The following MACROD2 variants were observed in gnomAD, a reference collection of about 807,000 sequenced individuals.
MACROD2 encodes ADP-ribose glycohydrolase MACROD2.
In MACROD2, 36 loss-of-function variants were observed where a neutral mutation model predicts 70.4. The ratio of observed to expected loss-of-function variants is 0.51; its 90% CI spans 0.39 to 0.68. The LOEUF (loss-of-function observed/expected upper bound fraction) is 0.68. MACROD2 is among the 30% of genes least tolerant of loss of function. MACROD2 has a pLI of 0.00. For synonymous variants in MACROD2, 172 were observed against 178.8 expected, an observed-to-expected ratio of 0.96 and a Z score of 0.30; for missense variants, 496 against 538.4, an observed-to-expected ratio of 0.92 and a Z score of 0.78.
chr20:14,315,769 C>T (rs866596673), intron 3 of MACROD2, among the ~76,000 whole-genome samples: 2 of 152,118 alleles, frequency 1.3e-5, no homozygotes. Flanking sequence ...TGTTTTAAAA[C>T]AATTAGGGGA....
chr20:14,056,140 A>G (rs1048074322), intron 2 of MACROD2, among the ~76,000 whole-genome samples: 1 of 152,106 alleles, frequency 6.6e-6, no homozygotes, highest in African/African-American at 2.4e-5. Flanking sequence ...TTTGGATAAT[A>G]TGATAATTTG....
intron 10 of MACROD2, among the ~76,000 whole-genome samples, chr20:15,906,935 C>T (rs959958413): frequency 2.6e-5 from 4 of 152,182 alleles, no homozygotes; most frequent in African/African-American, 9.7e-5. Flanking sequence ...GTCTCAGAGG[C>T]TCCTCAACTA....
chr20:14,786,882 A>G (rs1035167462), intron 5 of MACROD2, among the ~76,000 whole-genome samples: 2 of 152,102 alleles, frequency 1.3e-5, no homozygotes, highest in Non-Finnish European at 2.9e-5. Flanking sequence ...GTATAAAGAA[A>G]GAGGCAATGT....
chr20:15,583,576 G>A (rs2048556749), intron 8 of MACROD2, among the ~76,000 whole-genome samples: 1 of 152,120 alleles, frequency 6.6e-6, no homozygotes, highest in South Asian at 2.1e-4. Flanking sequence ...CCACATTCCT[G>A]AGAACCCTAG....
chr20:14,637,174 C>T (rs1489023392), intron 4 of MACROD2, among the ~76,000 whole-genome samples: 2 of 152,160 alleles, frequency 1.3e-5, no homozygotes, highest in African/African-American at 4.8e-5. Flanking sequence ...TTCCATCAAA[C>T]ACTTTTGCAG....
intron 10 of MACROD2, among the ~76,000 whole-genome samples, chr20:15,904,087 G>A (rs1330762442): frequency 6.6e-6 from 1 of 152,190 alleles, no homozygotes; most frequent in Non-Finnish European, 1.5e-5. Flanking sequence ...TATTCATACA[G>A]TCTTCTTGTC....
chr20:15,885,951 T>G, intron 10 of MACROD2, 140 bp downstream of exon 10: 1 of 1,007,260 alleles, frequency 9.9e-7, no homozygotes, highest in Non-Finnish European at 1.3e-6. Flanking sequence ...AATTAAAAAG[T>G]AGTTGTTCTA....
At chr20:14,962,347 G>A (rs2074590725) in intron 5 of MACROD2, among the ~76,000 whole-genome samples, 1 of 151,862 alleles carries the variant, frequency 6.6e-6, no homozygotes, top group South Asian at 2.1e-4. Context: ...CACCCAGGCT[G>A]GAGTACATTG....
intron 5 of MACROD2, among the ~76,000 whole-genome samples, chr20:15,000,515 G>T (rs915276613): frequency 1.4e-5 from 2 of 143,820 alleles, no homozygotes; most frequent in African/African-American, 2.8e-5. Flanking sequence ...CCCAGCTACT[G>T]GGGAGGCTGA....
At chr20:15,145,439 G>A (rs962215134) in intron 5 of MACROD2, among the ~76,000 whole-genome samples, 1 of 152,036 alleles carries the variant, frequency 6.6e-6, no homozygotes, top group Non-Finnish European at 1.5e-5. Flanking sequence ...ATTTGTATCA[G>A]TTATTCAAGT....
chr20:15,728,123 T>C (rs1019068490), intron 8 of MACROD2, among the ~76,000 whole-genome samples: 13 of 152,220 alleles, frequency 8.5e-5, no homozygotes, highest in Admixed American at 5.2e-4. Flanking sequence ...AATGTTGAAT[T>C]TATCAAAAGC....
At chr20:14,265,930 CCA>C (rs940551086) in intron 3 of MACROD2, among the ~76,000 whole-genome samples, 36 of 152,220 alleles carry the variant, frequency 2.4e-4, no homozygotes, top group African/African-American at 7.9e-4. Flanking sequence ...GCGCATGCCA[CCA>C]CGCCTGGCTA....
At chr20:15,777,492 T>A (rs2051742515) in intron 8 of MACROD2, among the ~76,000 whole-genome samples, 1 of 149,362 alleles carries the variant, frequency 6.7e-6, no homozygotes, top group Non-Finnish European at 1.5e-5. Context: ...TTGATTCTTT[T>A]TTTTCCTTCC....
chr20:15,717,347 A>G (rs988743276), intron 8 of MACROD2, among the ~76,000 whole-genome samples: 11 of 152,246 alleles, frequency 7.2e-5, no homozygotes, highest in Non-Finnish European at 2.9e-5. Flanking sequence ...TGAAGGAAAT[A>G]AAACCATAAA....
chr20:15,302,118 C>T (rs1443644225), intron 6 of MACROD2, among the ~76,000 whole-genome samples: 1 of 152,168 alleles, frequency 6.6e-6, no homozygotes, highest in East Asian at 1.9e-4. Flanking sequence ...CATCTGGCCC[C>T]TCCCAAAGGG....
intron 10 of MACROD2, 75 bp from the exon 11 acceptor site, chr20:15,933,201 C>A: frequency 7.2e-7 from 1 of 1,392,604 alleles, no homozygotes; most frequent in Non-Finnish European, 1.0e-6. Context: ...AATTTCAGTG[C>A]TGCATATTAG....
chr20:15,710,809 G>A (rs1053010124), intron 8 of MACROD2, among the ~76,000 whole-genome samples: 1 of 152,080 alleles, frequency 6.6e-6, no homozygotes, highest in Non-Finnish European at 1.5e-5. Context: ...TTGAGTTACC[G>A]GTTTCTAAGT....
At chr20:15,115,805 A>G (rs73096084) in intron 5 of MACROD2, among the ~76,000 whole-genome samples, 32,799 of 152,048 alleles carry the variant, frequency 0.22, 4,862 homozygotes, top group Non-Finnish European at 0.33. Flanking sequence ...AATTTTTTAA[A>G]CTAGGAAAAT....
At chr20:14,410,378 C>T (rs1012712347) in intron 3 of MACROD2, among the ~76,000 whole-genome samples, 1 of 152,026 alleles carries the variant, frequency 6.6e-6, no homozygotes, top group Admixed American at 6.6e-5. Context: ...ATCCTCACTC[C>T]ACTTCCACCC....
Sources: allele counts gnomAD v4.1 joint callset (sites outside exome capture counted in the v4.1 genomes callset), GRCh38; gene constraint gnomAD v4.1.1; transcripts MANE v1.5; gene names NCBI Gene and HGNC (gene_info 2026-07-23, HGNC 2026-07-21).